GUCY1A2: variants seen among roughly 807,000 people sequenced by gnomAD.
The protein encoded by GUCY1A2 is guanylate cyclase soluble subunit alpha-2.
In GUCY1A2, 27 loss-of-function variants were observed where a neutral mutation model predicts 63.5. The observed-to-expected ratio is 0.43, with a 90% confidence interval of 0.31 to 0.59. The LOEUF (loss-of-function observed/expected upper bound fraction) is 0.59. GUCY1A2 is among the 20% of genes least tolerant of loss of function. GUCY1A2 has a pLI of 0.11. For missense variants in GUCY1A2, 768 were observed against 913.3 expected, an observed-to-expected ratio of 0.84 and a Z score of 2.05; for synonymous variants, 364 against 343.5, an observed-to-expected ratio of 1.06 and a Z score of -0.66.
chr11:106,948,346 A>C (rs1177052502), intron 3 of GUCY1A2, among the ~76,000 whole-genome samples: 4 of 152,162 alleles, frequency 2.6e-5, no homozygotes, highest in Admixed American at 6.5e-5. Flanking sequence ...ATCATGACCA[A>C]GTAGGATTTA....
chr11:106,808,480 C>T (rs953266565), intron 5 of GUCY1A2, among the ~76,000 whole-genome samples: 5 of 152,030 alleles, frequency 3.3e-5, no homozygotes, highest in African/African-American at 4.8e-5. Context: ...AAACCTTGAA[C>T]CTGTTTTGGC....
intron 7 of GUCY1A2, among the ~76,000 whole-genome samples, chr11:106,688,150 C>T (rs181651514): frequency 6.6e-6 from 1 of 152,176 alleles, no homozygotes; most frequent in African/African-American, 2.4e-5. Context: ...TAAAACCTGC[C>T]CAAATTCTAG....
At chr11:106,741,201 A>G (rs915747405) in intron 6 of GUCY1A2, among the ~76,000 whole-genome samples, 1 of 152,240 alleles carries the variant, frequency 6.6e-6, no homozygotes, top group African/African-American at 2.4e-5. Flanking sequence ...TTATCAGTTC[A>G]AACTGTAATC....
At chr11:106,910,052 G>T (rs1376334764) in intron 4 of GUCY1A2, among the ~76,000 whole-genome samples, 5 of 151,914 alleles carry the variant, frequency 3.3e-5, no homozygotes, top group Non-Finnish European at 7.4e-5. Context: ...AATCAGAAAT[G>T]CAGGTATGCA....
chr11:106,750,561 A>G (rs1030920460), intron 6 of GUCY1A2, among the ~76,000 whole-genome samples: 5 of 152,106 alleles, frequency 3.3e-5, no homozygotes, highest in Admixed American at 6.6e-5. Flanking sequence ...TCCTTGCTGC[A>G]ATTAGAAAAC....
chr11:106,719,973 A>T (rs1161711584), intron 6 of GUCY1A2, among the ~76,000 whole-genome samples: 3 of 152,266 alleles, frequency 2.0e-5, no homozygotes, highest in Non-Finnish European at 4.4e-5. Context: ...ATACACATAT[A>T]TACTACTTCT....
At chr11:106,726,080 A>G (rs560291218) in intron 6 of GUCY1A2, among the ~76,000 whole-genome samples, 8 of 152,172 alleles carry the variant, frequency 5.3e-5, no homozygotes, top group Non-Finnish European at 1.0e-4. Flanking sequence ...TATTTTATTT[A>G]TTGTGATAAC....
intron 4 of GUCY1A2, among the ~76,000 whole-genome samples, chr11:106,830,902 G>A (rs1859041951): frequency 6.6e-6 from 1 of 152,032 alleles, no homozygotes; most frequent in African/African-American, 2.4e-5. Flanking sequence ...TTGTTATTAA[G>A]CATTATGACA....
intron 2 of GUCY1A2, among the ~76,000 whole-genome samples, chr11:106,981,477 CAA>C (rs61474144): frequency 0.023 from 2,994 of 130,654 alleles, 41 homozygotes; most frequent in Non-Finnish European, 0.036. Context: ...CTTATTCTGG[CAA>C]AAAAAAAAAA....
At chr11:106,727,267 G>A (rs937416010) in intron 6 of GUCY1A2, among the ~76,000 whole-genome samples, 3 of 152,198 alleles carry the variant, frequency 2.0e-5, no homozygotes, top group Non-Finnish European at 4.4e-5. Flanking sequence ...ACGTTGTGGT[G>A]AGCCAAGTCA....
chr11:106,746,989 TTTTG>T (rs748401190), intron 6 of GUCY1A2, among the ~76,000 whole-genome samples: 16 of 152,224 alleles, frequency 1.1e-4, no homozygotes, highest in Middle Eastern at 3.4e-3. Context: ...TGTGGGTTTT[TTTTG>T]TTTGTTTGTT....
In GUCY1A2 at chr11:106,939,660, T is replaced by G; in HGVS notation, c.1006A>C (p.Ser336Arg). ...TCCCCCAACTGAAGGACTGACATGC[T>G]GGGATCAAACATCAAGTGGAAAGGG... ...AFPFHLMFDP[S>R]MSVLQLGEGL... Residue 336 changes from serine to arginine, a missense_variant, in exon 4 of 8, where the codon AGC becomes CGC. This residue lies in a region of GUCY1A2 where 496 missense variants were observed against 486.9 expected (regional missense o/e 1.02). Transcript: ENST00000526355. 1 of 1,613,992 alleles carries G rather than the reference T, an allele frequency of 6.2e-7. No homozygotes were observed. The highest frequency in any genetic ancestry group is 8.5e-7 in the Non-Finnish European group (1 of 1,179,894).
intron 4 of GUCY1A2, among the ~76,000 whole-genome samples, chr11:106,894,020 C>T (rs1338131981): frequency 6.6e-6 from 1 of 152,124 alleles, no homozygotes; most frequent in Non-Finnish European, 1.5e-5. Context: ...TTTTGTACTT[C>T]TCAAAAATGT....
intron 6 of GUCY1A2, among the ~76,000 whole-genome samples, chr11:106,765,923 T>A (rs1459626288): frequency 6.6e-6 from 1 of 152,120 alleles, no homozygotes; most frequent in African/African-American, 2.4e-5. Flanking sequence ...TTTCTTAAAA[T>A]GGAATCTACA....
At chr11:106,992,573 G>A (rs1309862988) in intron 1 of GUCY1A2, among the ~76,000 whole-genome samples, 1 of 151,856 alleles carries the variant, frequency 6.6e-6, no homozygotes, top group Non-Finnish European at 1.5e-5. Flanking sequence ...CTCGTGATCT[G>A]CCCACCTCAG....
chr11:106,830,527 T>G (rs1486231657), intron 4 of GUCY1A2, among the ~76,000 whole-genome samples: 2 of 152,162 alleles, frequency 1.3e-5, no homozygotes, highest in African/African-American at 4.8e-5. Flanking sequence ...CTGCCAGCGC[T>G]GCCAGAATAA....
At chr11:106,989,880 AGCT>A (rs1861449307) in intron 1 of GUCY1A2, among the ~76,000 whole-genome samples, 2 of 152,202 alleles carry the variant, frequency 1.3e-5, no homozygotes, top group Non-Finnish European at 2.9e-5. Flanking sequence ...GAAACATCAT[AGCT>A]AAGGTCAAGA....
At chr11:106,970,781 G>A (rs1328511088) in intron 3 of GUCY1A2, among the ~76,000 whole-genome samples, 1 of 151,878 alleles carries the variant, frequency 6.6e-6, no homozygotes, top group African/African-American at 2.4e-5. Context: ...ATGTTTTATA[G>A]CAGTTAATTC....
chr11:106,742,941 G>GAAA (rs1391362440), intron 6 of GUCY1A2, among the ~76,000 whole-genome samples: 5 of 151,980 alleles, frequency 3.3e-5, no homozygotes, highest in African/African-American at 1.2e-4. Flanking sequence ...TCTTCTTTAG[G>GAAA]TTTTGCTAAT....
Sources: gnomAD v4.1 joint callset for allele counts (sites outside exome capture counted in the v4.1 genomes callset) on GRCh38, gnomAD v4.1.1 for gene constraint, gnomAD v4.1.1 regional missense constraint, MANE v1.5 for transcripts, NCBI Gene and HGNC (gene_info 2026-07-23, HGNC 2026-07-21) for gene names.